Variants in PCLO observed in about 807,000 individuals in gnomAD.
PCLO encodes piccolo presynaptic cytomatrix protein, also known as protein piccolo.
In PCLO, 82 loss-of-function variants were observed where a neutral mutation model predicts 427.5. The ratio of observed to expected loss-of-function variants is 0.19; its 90% CI spans 0.16 to 0.23. The LOEUF (loss-of-function observed/expected upper bound fraction) is 0.23, where lower values mean the gene tolerates loss of function less well. Ranked by LOEUF, PCLO falls within the 10% of genes least tolerant of loss-of-function variation. The probability of loss-of-function intolerance (pLI) is 1.00; values close to 1 mark genes in which losing one functional copy is unlikely to be tolerated. For synonymous variants in PCLO, 2,357 were observed against 2,155.4 expected, an observed-to-expected ratio of 1.09 and a Z score of -2.59; for missense variants, 6,239 against 6,115.9, an observed-to-expected ratio of 1.02 and a Z score of -0.67.
At chr7:82,974,348 T>C (rs900630820) in intron 3 of PCLO, among the ~76,000 whole-genome samples, 1 of 152,222 alleles carries the variant, frequency 6.6e-6, no homozygotes, top group Non-Finnish European at 1.5e-5. Flanking sequence ...ATCACGCCAC[T>C]GTGTGATTCT....
Position 83,084,827 on chromosome 7 carries a change from T to C in PCLO, c.3300+49423A>G, listed in dbSNP as rs1178481357. Among the ~76,000 whole-genome samples, 3 of 152,172 alleles carry C rather than the reference T, an allele frequency of 2.0e-5. No individual in the cohort carries two copies. The East Asian group carries it at 5.8e-4, about 29-fold the overall frequency. On this transcript the variant is annotated intron_variant, in intron 3 of 24. Coordinates refer to ENST00000333891, the MANE Select transcript of PCLO (RefSeq NM_033026.6). ...ACCAGGAACAAAGTCCTGACTGCTT[T>C]CAAGCCTCCACCTGTAATTCCACTT...
rs184417626 is a variant in PCLO, at chr7:83,024,253, A to G, written c.3301-57766T>C. Among the ~76,000 whole-genome samples, 1,405 of 152,258 alleles carry G rather than the reference A, an allele frequency of 9.2e-3. 32 individuals carry two copies. Among genetic ancestry groups the G allele is most frequent in the African/African-American group, 0.031 (1,271 of 41,570 alleles). On this transcript the variant is annotated intron_variant, in intron 3 of 24. Coordinates refer to ENST00000333891, the MANE Select transcript of PCLO (RefSeq NM_033026.6). Reference sequence around the variant, plus strand: ...GCTCAAGTCAGTGGGTGCGCGCACCATGCGCGAGCCGAAGCAGGGTGAGGC... The same window carrying G: ...GCTCAAGTCAGTGGGTGCGCGCACCGTGCGCGAGCCGAAGCAGGGTGAGGC...
intron 3 of PCLO, among the ~76,000 whole-genome samples, chr7:83,112,041 T>G (rs1159791833): frequency 1.3e-5 from 2 of 151,436 alleles, no homozygotes; most frequent in African/African-American, 4.8e-5. Context: ...TGGGTTTTTT[T>G]GTTGTTTTTT....
chr7:82,795,140 T>C (rs1266731625), intron 22 of PCLO, among the ~76,000 whole-genome samples: 1 of 152,148 alleles, frequency 6.6e-6, no homozygotes, highest in Non-Finnish European at 1.5e-5. Context: ...TATATGGTAA[T>C]GACTAGAAGT....
intron 10 of PCLO, among the ~76,000 whole-genome samples, chr7:82,865,579 A>G (rs1017879214): frequency 1.3e-5 from 2 of 152,132 alleles, no homozygotes; most frequent in African/African-American, 4.8e-5. Flanking sequence ...TATTGTGTTA[A>G]TTTAAAATAA....
intron 2 of PCLO, among the ~76,000 whole-genome samples, chr7:83,147,669 TC>T (rs1435044900): frequency 6.6e-6 from 1 of 152,210 alleles, no homozygotes. Flanking sequence ...AAGAATCAAG[TC>T]CTTTAACCCT....
At chr7:82,867,539 G>A (rs1793127099) in intron 10 of PCLO, among the ~76,000 whole-genome samples, 2 of 152,098 alleles carry the variant, frequency 1.3e-5, no homozygotes, top group Non-Finnish European at 2.9e-5. Flanking sequence ...AAAAAGAGAG[G>A]TTAGCATCCT....
chr7:83,121,584 A>C (rs1273948167), intron 3 of PCLO, among the ~76,000 whole-genome samples: 1 of 152,176 alleles, frequency 6.6e-6, no homozygotes, highest in Non-Finnish European at 1.5e-5. Flanking sequence ...AGAGTGGCTG[A>C]ATGGATTAAA....
At chr7:83,050,763 A>AT (rs1305836894) in intron 3 of PCLO, among the ~76,000 whole-genome samples, 1 of 150,376 alleles carries the variant, frequency 6.6e-6, no homozygotes, top group African/African-American at 2.4e-5. Flanking sequence ...AAAAAAAAAA[A>AT]TTATCCGGGC....
chr7:83,140,958 A>T (rs778750642), intron 2 of PCLO, among the ~76,000 whole-genome samples: 3 of 152,224 alleles, frequency 2.0e-5, no homozygotes, highest in Non-Finnish European at 2.9e-5. Context: ...CATCTGCTAC[A>T]GCCATAAATG....
intron 20 of PCLO, among the ~76,000 whole-genome samples, chr7:82,806,365 C>T (rs1470194499): frequency 6.6e-6 from 1 of 152,158 alleles, no homozygotes; most frequent in Non-Finnish European, 1.5e-5. Context: ...TGCCTACTAT[C>T]TCCAGCAAGG....
intron 21 of PCLO, among the ~76,000 whole-genome samples, chr7:82,803,731 A>T (rs1446693227): frequency 2.0e-5 from 3 of 152,168 alleles, no homozygotes; most frequent in Non-Finnish European, 4.4e-5. Context: ...CACTTTTACT[A>T]GCCCAAGCTA....
intron 9 of PCLO, among the ~76,000 whole-genome samples, chr7:82,890,849 GTTA>G (rs1793745975): frequency 6.6e-6 from 1 of 151,858 alleles, no homozygotes. Context: ...GGAAGAAACA[GTTA>G]TACTTTCAAC....
chr7:82,964,468 C>A (rs773013629), intron 4 of PCLO, among the ~76,000 whole-genome samples: 18 of 152,022 alleles, frequency 1.2e-4, no homozygotes, highest in Non-Finnish European at 1.8e-4. Flanking sequence ...TAAGTGGATT[C>A]AAAAATTGTT....
intron 9 of PCLO, among the ~76,000 whole-genome samples, chr7:82,881,300 A>T (rs1793502785): frequency 1.3e-5 from 2 of 152,200 alleles, no homozygotes; most frequent in Non-Finnish European, 2.9e-5. Context: ...TCATTCTGCA[A>T]ATGACAGTGT....
intron 10 of PCLO, among the ~76,000 whole-genome samples, chr7:82,856,549 A>C (rs1458532351): frequency 1.3e-5 from 2 of 152,174 alleles, no homozygotes; most frequent in Non-Finnish European, 2.9e-5. Context: ...ATGAGGCAGA[A>C]TAAGGGATAT....
At chr7:83,094,080 T>C (rs1429592895) in intron 3 of PCLO, among the ~76,000 whole-genome samples, 1 of 151,934 alleles carries the variant, frequency 6.6e-6, no homozygotes, top group Non-Finnish European at 1.5e-5. Context: ...ACCCACTTCC[T>C]TCTGCCCCAC....
intron 4 of PCLO, among the ~76,000 whole-genome samples, chr7:82,964,827 T>C (rs2115648824): frequency 6.6e-6 from 1 of 152,280 alleles, no homozygotes; most frequent in East Asian, 1.9e-4. Flanking sequence ...AGACAATGTG[T>C]GATGCATCAG....
chr7:83,113,029 A>C (rs1352159668), intron 3 of PCLO, among the ~76,000 whole-genome samples: 1 of 152,232 alleles, frequency 6.6e-6, no homozygotes, highest in African/African-American at 2.4e-5. Context: ...GTATATCTTG[A>C]TACCACACAC....
Sources: allele counts gnomAD v4.1 joint callset (sites outside exome capture counted in the v4.1 genomes callset), GRCh38; gene constraint gnomAD v4.1.1; transcripts MANE v1.5; gene names NCBI Gene and HGNC (gene_info 2026-07-23, HGNC 2026-07-21).